Variants in SDCCAG8 observed in about 807,000 individuals in gnomAD.
SDCCAG8 encodes SHH signaling and ciliogenesis regulator SDCCAG8.
Under a neutral mutation model 101.8 loss-of-function variants are expected in SDCCAG8, and 74 were observed. The observed-to-expected ratio is 0.73, with a 90% CI of 0.60 to 0.88. The LOEUF is 0.88. Ranked by LOEUF, SDCCAG8 falls within the 40% of genes least tolerant of loss-of-function variation. The pLI is 0.00. For synonymous variants in SDCCAG8, 281 were observed against 292.9 expected (o/e 0.96, Z 0.41); for missense variants, 787 against 822.6 (o/e 0.96, Z 0.53).
At chr1:243,379,557 TAC>T (rs200710387) in intron 13 of SDCCAG8, among the ~76,000 whole-genome samples, 1 of 151,964 alleles carries the variant, frequency 6.6e-6, no homozygotes. Flanking sequence ...TACACACACA[TAC>T]ACACACACAT....
chr1:243,309,648 GC>G (rs944733763), intron 8 of SDCCAG8, among the ~76,000 whole-genome samples: 17 of 152,220 alleles, frequency 1.1e-4, no homozygotes, highest in Admixed American at 9.8e-4. Flanking sequence ...GCGGACATGT[GC>G]CGCCACACCC....
intron 12 of SDCCAG8, among the ~76,000 whole-genome samples, chr1:243,374,820 A>G (rs1021091912): frequency 1.3e-5 from 2 of 152,120 alleles, no homozygotes; most frequent in African/African-American, 4.8e-5. Flanking sequence ...GGCCATACAT[A>G]AGGTGCCAAG....
At chr1:243,269,384 C>A (rs2067897975) in intron 1 of SDCCAG8, among the ~76,000 whole-genome samples, 1 of 149,342 alleles carries the variant, frequency 6.7e-6, no homozygotes, top group Admixed American at 6.7e-5. Context: ...CTCGCTGCAA[C>A]CCCTTGGAGG....
At position 243,474,384 on chromosome 1, in the gene SDCCAG8, C is replaced by T. The variant is rs949646314; in HGVS notation, c.1986-14630C>T. 1.3e-5 allele frequency among the ~76,000 whole-genome samples: 2 copies of T among 152,190 alleles called. No homozygotes were observed. Among genetic ancestry groups the T allele is most frequent in the Non-Finnish European group, 2.9e-5 (2 of 68,016 alleles). On this transcript the variant is annotated intron_variant, in intron 16 of 17. Coordinates refer to ENST00000366541, the MANE Select transcript of SDCCAG8 (RefSeq NM_006642.5). The surrounding 1 kb of genome is among the most constrained non-coding windows in gnomAD (Gnocchi z 4.7). ...GAGCCAGATGCTCCGCACCCAGCCT[C>T]CCCAAGCCCCGGCCGGCTGCCCTCC... is the stretch of plus-strand genomic sequence containing the variant.
intron 16 of SDCCAG8, among the ~76,000 whole-genome samples, chr1:243,445,201 G>C (rs956400387): frequency 6.6e-6 from 1 of 152,202 alleles, no homozygotes; most frequent in East Asian, 1.9e-4. Flanking sequence ...ATGTAGAATG[G>C]CATTTTATAG....
intron 7 of SDCCAG8, chr1:243,307,700 C>T (rs2149319145): frequency 7.6e-7 from 1 of 1,317,030 alleles, no homozygotes; most frequent in Non-Finnish European, 9.7e-7. Flanking sequence ...GAGGTTGGAT[C>T]CTGGGACAAG....
chr1:243,261,867 T>TG (rs1256819717), intron 1 of SDCCAG8, among the ~76,000 whole-genome samples: 1 of 151,464 alleles, frequency 6.6e-6, no homozygotes, highest in Non-Finnish European at 1.5e-5. Context: ...TCTTTTTTTT[T>TG]TTTTTTTAAT....
chr1:243,357,913 C>T (rs1377183711), intron 12 of SDCCAG8, among the ~76,000 whole-genome samples: 1 of 152,060 alleles, frequency 6.6e-6, no homozygotes, highest in African/African-American at 2.4e-5. Context: ...AACTTGGGTT[C>T]CTACCTCATA....
chr1:243,491,632 T>C (rs190816682), intron 17 of SDCCAG8, among the ~76,000 whole-genome samples: 7 of 152,348 alleles, frequency 4.6e-5, no homozygotes, highest in Non-Finnish European at 4.4e-5. Flanking sequence ...CTTCAGCCTC[T>C]GCGATGCCTT....
At chr1:243,486,048 A>G (rs1328932733) in intron 16 of SDCCAG8, among the ~76,000 whole-genome samples, 1 of 151,754 alleles carries the variant, frequency 6.6e-6, no homozygotes, top group Non-Finnish European at 1.5e-5. Flanking sequence ...AAAATACAAA[A>G]TTAGCCGCCG....
At chr1:243,282,187 A>G (rs77057915) in intron 4 of SDCCAG8, among the ~76,000 whole-genome samples, 1 of 151,594 alleles carries the variant, frequency 6.6e-6, no homozygotes, top group Non-Finnish European at 1.5e-5. Context: ...TCACATATCA[A>G]TTGATCAATT....
chr1:243,417,456 A>AT (rs1319582741), intron 14 of SDCCAG8, among the ~76,000 whole-genome samples: 2 of 152,248 alleles, frequency 1.3e-5, no homozygotes, highest in African/African-American at 4.8e-5. Flanking sequence ...GAAAATACAC[A>AT]TTTTTACCTT....
rs1300544047 is a variant in SDCCAG8 at position 243,274,529 on chromosome 1, A to AT, written c.307-8dup. ...TATGTATTTATGTATTTATTTATTT[A>AT]TTTTTTGTCATAGAGGTCATTAGAA... is the stretch of plus-strand genomic sequence containing the variant. On this transcript the variant is annotated splice_polypyrimidine_tract_variant and intron_variant, in intron 3 of 17. Coordinates refer to ENST00000366541, the MANE Select transcript of SDCCAG8 (RefSeq NM_006642.5). The AT allele has an allele frequency of 2.2e-6, 3 of 1,378,994 alleles. No homozygotes were observed. Among genetic ancestry groups the AT allele is most frequent in the Non-Finnish European group, 2.1e-6 (2 of 971,500 alleles). The allele number at this position is 1,378,994 out of a possible 1,614,324, so 85.4% of individuals were successfully genotyped here.
At position 243,417,974 on chromosome 1, in the gene SDCCAG8, A is replaced by G; in HGVS notation, c.1751A>G (p.Glu584Gly). Residue 584 changes from glutamate (E) to glycine (G), a missense_variant, in exon 15 of 18, where the codon GAA (glutamate) becomes GGA (glycine). Transcript: ENST00000366541. The stretch of plus-strand genomic sequence containing the variant: ...GGTTTATTGTTATTTCTAGAAAATG[A>G]ACAGTATTTGTTGCTGACCTCCCAG... ...MEAQHDKTEN[E>G]QYLLLTSQNT... 6.2e-7 allele frequency: 1 copy of G among 1,606,160 alleles called. No homozygotes were observed. Among genetic ancestry groups the G allele is most frequent in the South Asian group, 1.1e-5 (1 of 90,926 alleles).
rs531492176 is a variant in SDCCAG8 at position 243,442,545 on chromosome 1, G to A, written c.1985+15987G>A. 1.6e-4 allele frequency among the ~76,000 whole-genome samples: 25 copies of A among 151,944 alleles called. No homozygotes were observed. In the South Asian group the frequency reaches 4.0e-3, roughly 24 times the overall value. On this transcript the variant is annotated intron_variant, in intron 16 of 17. Transcript: ENST00000366541. Reference sequence around the variant, plus strand: ...ATGACACAGTGCCTCTGGATTTTACGTCAGTTCTGCCTTCAGTGTAAAGCC... The same window carrying A: ...ATGACACAGTGCCTCTGGATTTTACATCAGTTCTGCCTTCAGTGTAAAGCC...
intron 4 of SDCCAG8, among the ~76,000 whole-genome samples, chr1:243,283,313 C>G (rs890274191): frequency 6.6e-6 from 1 of 151,292 alleles, no homozygotes; most frequent in African/African-American, 2.4e-5. Flanking sequence ...TGGTTTGGTG[C>G]CTGTCATTAA....
At chr1:243,390,572 CT>C (rs2078640041) in intron 13 of SDCCAG8, among the ~76,000 whole-genome samples, 1 of 152,192 alleles carries the variant, frequency 6.6e-6, no homozygotes, top group Non-Finnish European at 1.5e-5. Flanking sequence ...TTAACGTTCC[CT>C]GGCTCGCTCC....
chr1:243,365,150 G>A (rs2076929170), intron 12 of SDCCAG8, among the ~76,000 whole-genome samples: 1 of 152,088 alleles, frequency 6.6e-6, no homozygotes, highest in South Asian at 2.1e-4. Context: ...CAGTTGAGTG[G>A]GCTTAGCGAG....
At chr1:243,439,405 C>T (rs2082373918) in intron 16 of SDCCAG8, among the ~76,000 whole-genome samples, 1 of 152,044 alleles carries the variant, frequency 6.6e-6, no homozygotes, top group African/African-American at 2.4e-5. Context: ...AGGTGGATCA[C>T]CTGAGGTCAG....
Sources: gnomAD v4.1 joint callset for allele counts (sites outside exome capture counted in the v4.1 genomes callset) on GRCh38, gnomAD v4.1.1 for gene constraint, Gnocchi (gnomAD v3.1) non-coding constraint, MANE v1.5 for transcripts, NCBI Gene and HGNC (gene_info 2026-07-23, HGNC 2026-07-21) for gene names.